The following NBEA variants were observed in gnomAD, a reference collection of about 807,000 sequenced individuals.
NBEA encodes neurobeachin, also known as lysosomal-trafficking regulator 2.
Under a neutral mutation model 343.4 loss-of-function variants are expected in NBEA, and 44 were observed. The observed-to-expected ratio is 0.13, with a 90% CI of 0.10 to 0.16. NBEA has a LOEUF of 0.16. Ranked by LOEUF, NBEA falls within the 10% of genes least tolerant of loss-of-function variation. The probability of loss-of-function intolerance (pLI) is 1.00; values close to 1 mark genes in which losing one functional copy is unlikely to be tolerated. For synonymous variants in NBEA, 1,175 were observed against 1,238.7 expected (o/e 0.95, Z 1.08); for missense variants, 2,555 against 3,631.3 (o/e 0.70, Z 7.62).
chr13:35,578,733 C>T (rs1045929446), intron 45 of NBEA, among the ~76,000 whole-genome samples: 5 of 152,058 alleles, frequency 3.3e-5, no homozygotes, highest in African/African-American at 1.2e-4. Context: ...AACTCTTGAA[C>T]ATTTTATGTG....
At chr13:35,598,918 A>T (rs1411710011) in intron 47 of NBEA, among the ~76,000 whole-genome samples, 1 of 152,074 alleles carries the variant, frequency 6.6e-6, no homozygotes, top group Non-Finnish European at 1.5e-5. Flanking sequence ...ACTGCTTCAA[A>T]ACTGAACAGT....
At position 35,475,878 on chromosome 13, in the gene NBEA, G is replaced by A. The variant is rs371969813; in HGVS notation, c.6585+3342G>A. ...CGGGCAGTGAGCCATCGTCCACGAA[G>A]TTGAACACCCCCATTTGGTTGAGAT... On this transcript the variant is annotated intron_variant, in intron 41 of 58. Transcript: ENST00000379939. 3.2e-5 allele frequency: 51 copies of A among 1,614,010 alleles called. 1 individual carries two copies. The highest frequency in any genetic ancestry group is 5.9e-6 in the Non-Finnish European group (7 of 1,180,046).
At chr13:35,522,538 G>A (rs1256324354) in intron 41 of NBEA, among the ~76,000 whole-genome samples, 1 of 148,114 alleles carries the variant, frequency 6.8e-6, no homozygotes, top group Non-Finnish European at 1.5e-5. Flanking sequence ...AGAGTCTGGA[G>A]GCAGGGGCAT....
intron 47 of NBEA, among the ~76,000 whole-genome samples, chr13:35,602,191 C>T (rs1043620967): frequency 1.2e-4 from 19 of 152,138 alleles, no homozygotes; most frequent in Non-Finnish European, 4.4e-5. Flanking sequence ...AGATGAAACG[C>T]TCATATTCTT....
intron 10 of NBEA, among the ~76,000 whole-genome samples, chr13:35,082,192 T>G (rs898474014): frequency 6.6e-6 from 1 of 152,164 alleles, no homozygotes; most frequent in African/African-American, 2.4e-5. Flanking sequence ...CCTGAGATAG[T>G]TAGCTGAGAA....
chr13:35,627,805 T>C (rs982835868), intron 48 of NBEA, among the ~76,000 whole-genome samples: 1 of 152,124 alleles, frequency 6.6e-6, no homozygotes, highest in Non-Finnish European at 1.5e-5. Flanking sequence ...TTAAATCATA[T>C]TATGTACCTA....
At chr13:35,367,405 A>G (rs141925327) in intron 38 of NBEA, among the ~76,000 whole-genome samples, 1 of 151,512 alleles carries the variant, frequency 6.6e-6, no homozygotes, top group African/African-American at 2.4e-5. Flanking sequence ...ATTTTACTTT[A>G]TGTTTAGACA....
intron 34 of NBEA, among the ~76,000 whole-genome samples, chr13:35,285,100 A>G (rs1169895178): frequency 6.6e-6 from 1 of 152,154 alleles, no homozygotes; most frequent in Non-Finnish European, 1.5e-5. Context: ...AAAGTATTTC[A>G]GTGCCATTCA....
At chr13:35,300,907 T>TAAA (rs1292061296) in intron 35 of NBEA, among the ~76,000 whole-genome samples, 1 of 152,178 alleles carries the variant, frequency 6.6e-6, no homozygotes, top group East Asian at 1.9e-4. Flanking sequence ...TGTGTACTGT[T>TAAA]GTCTACCTAG....
intron 45 of NBEA, among the ~76,000 whole-genome samples, chr13:35,576,247 G>A (rs891350918): frequency 6.6e-6 from 1 of 151,094 alleles, no homozygotes; most frequent in Non-Finnish European, 1.5e-5. Context: ...CTCCCAAGTA[G>A]CTGAGATTAC....
intron 12 of NBEA, among the ~76,000 whole-genome samples, chr13:35,109,821 G>A (rs1215808699): frequency 6.6e-6 from 1 of 151,778 alleles, no homozygotes; most frequent in Non-Finnish European, 1.5e-5. Context: ...ATCATGACAT[G>A]TAAATAATAC....
intron 36 of NBEA, among the ~76,000 whole-genome samples, chr13:35,311,554 A>T (rs544649659): frequency 3.9e-4 from 59 of 152,112 alleles, no homozygotes; most frequent in African/African-American, 8.4e-4. Flanking sequence ...TCACAATTTT[A>T]AAAAAAATTT....
chr13:35,212,078 G>T (rs1162998941), intron 33 of NBEA, among the ~76,000 whole-genome samples: 1 of 151,758 alleles, frequency 6.6e-6, no homozygotes, highest in East Asian at 1.9e-4. Context: ...GAATATAAAA[G>T]CTTATTGAAA....
intron 35 of NBEA, among the ~76,000 whole-genome samples, chr13:35,294,909 C>T (rs1304898494): frequency 6.6e-6 from 1 of 151,662 alleles, no homozygotes; most frequent in Non-Finnish European, 1.5e-5. Context: ...CAGCCTGAGC[C>T]CTGTTTCTTC....
intron 38 of NBEA, among the ~76,000 whole-genome samples, chr13:35,375,087 T>C (rs570378114): frequency 2.1e-4 from 32 of 152,180 alleles, no homozygotes; most frequent in Non-Finnish European, 4.6e-4. Context: ...AAAATTAGAA[T>C]GTGCATAAGA....
chr13:35,287,034 T>G (rs2035470752), intron 34 of NBEA, among the ~76,000 whole-genome samples: 1 of 152,044 alleles, frequency 6.6e-6, no homozygotes, highest in African/African-American at 2.4e-5. Flanking sequence ...ACAATATAGT[T>G]CATAATATAT....
chr13:34,969,904 A>G (rs552079862), intron 1 of NBEA, among the ~76,000 whole-genome samples: 103 of 152,212 alleles, frequency 6.8e-4, no homozygotes, highest in African/African-American at 2.4e-3. Context: ...TCCTTTGGGT[A>G]TATACCCAGT....
At chr13:35,459,909 T>A (rs1221528430) in intron 40 of NBEA, among the ~76,000 whole-genome samples, 1 of 152,210 alleles carries the variant, frequency 6.6e-6, no homozygotes, top group African/African-American at 2.4e-5. Flanking sequence ...ACTGGAATAC[T>A]TACTATGGGA....
chr13:35,308,478 A>ATATGTG (rs1566597152), intron 35 of NBEA, among the ~76,000 whole-genome samples: 2 of 127,922 alleles, frequency 1.6e-5, no homozygotes, highest in Non-Finnish European at 1.6e-5. Context: ...ATATATGTAT[A>ATATGTG]TATATATGTG....
Sources: gnomAD v4.1 joint callset for allele counts (sites outside exome capture counted in the v4.1 genomes callset) on GRCh38, gnomAD v4.1.1 for gene constraint, MANE v1.5 for transcripts, NCBI Gene and HGNC (gene_info 2026-07-23, HGNC 2026-07-21) for gene names.